The following BRCC3 variants were observed in gnomAD, a reference collection of about 807,000 sequenced individuals.
The protein encoded by BRCC3 is lys-63-specific deubiquitinase BRCC36.
A neutral mutation model predicts 28.0 loss-of-function variants in BRCC3; 15 were observed. The ratio of observed to expected loss-of-function variants is 0.54; its 90% confidence interval spans 0.36 to 0.82. The LOEUF (loss-of-function observed/expected upper bound fraction) is 0.82, where lower values mean the gene tolerates loss of function less well. Ranked by LOEUF, BRCC3 falls within the 40% of genes least tolerant of loss-of-function variation. The pLI is 0.01. For synonymous variants in BRCC3, 66 were observed against 80.3 expected, an observed-to-expected ratio of 0.82 and a Z score of 0.95; for missense variants, 109 against 225.9, an observed-to-expected ratio of 0.48 and a Z score of 3.32.
chrX:155,084,353 A>G lies in BRCC3; in HGVS notation c.404-4910A>G, dbSNP rs781839477. ...TTTTCTAGCACTACGGTGAGTTCTA[A>G]TATCTTTGTTTAAAAAGTTTTTTTT... On this transcript the variant is annotated intron_variant, in intron 5 of 10. Transcript: ENST00000330045. Among the ~76,000 whole-genome samples the G allele has an allele frequency of 1.6e-4, 18 of 111,089 alleles. 1 individual carries two copies. In the South Asian group the frequency reaches 6.9e-3, roughly 42 times the overall value.
At chrX:155,073,969 C>T (rs1451750496) in intron 3 of BRCC3, among the ~76,000 whole-genome samples, 9 of 111,415 alleles carry the variant, frequency 8.1e-5, no homozygotes, top group East Asian at 2.8e-4. Flanking sequence ...TGTCACAGAC[C>T]GATGCTTTTG....
rs145428037 is a variant in BRCC3, at chrX:155,085,347, C to G, written c.404-3916C>G. Among the ~76,000 whole-genome samples the G allele has an allele frequency of 1.8e-3, 203 of 112,785 alleles. 1 individual carries two copies. Among genetic ancestry groups the G allele is most frequent in the African/African-American group, 5.7e-3 (178 of 31,086 alleles). On this transcript the variant is annotated intron_variant, in intron 5 of 10. Coordinates refer to ENST00000330045, the MANE Select transcript of BRCC3 (RefSeq NM_001018055.3). The stretch of plus-strand genomic sequence containing the variant: ...CAAAATCACAGATTCTTCAAGAAAA[C>G]TGTTTCTTAAATACCTGTGTAATTG...
At chrX:155,081,274 G>A (rs2074083274) in intron 5 of BRCC3, among the ~76,000 whole-genome samples, 1 of 107,233 alleles carries the variant, frequency 9.3e-6, no homozygotes, top group Admixed American at 1.0e-4. Flanking sequence ...GGAGGTTGCA[G>A]TGAGCTGAGA....
intron 2 of BRCC3, 62 bp downstream of exon 2, chrX:155,072,405 T>C: frequency 1.1e-6 from 1 of 914,521 alleles, no homozygotes; most frequent in Non-Finnish European, 1.6e-6. Flanking sequence ...CCTAAAATTA[T>C]GGCGACTTTG....
intron 7 of BRCC3, among the ~76,000 whole-genome samples, chrX:155,108,122 G>A (rs2074296631): frequency 9.0e-6 from 1 of 111,566 alleles, no homozygotes; most frequent in African/African-American, 3.3e-5. Flanking sequence ...CAATTGTTAT[G>A]CCCTTGTTTT....
intron 3 of BRCC3, among the ~76,000 whole-genome samples, chrX:155,075,278 AAGC>A (rs1557293346): frequency 4.0e-5 from 2 of 50,516 alleles, no homozygotes; most frequent in Admixed American, 2.0e-4. Flanking sequence ...TGATAATGCT[AAGC>A]CCACTCTTTC....
chrX:155,099,448 C>T (rs1282383409), intron 7 of BRCC3: 20 of 1,163,802 alleles, frequency 1.7e-5, no homozygotes, highest in Non-Finnish European at 2.0e-5. Context: ...AAGTGACCTT[C>T]CCAGAAGTCC....
intron 2 of BRCC3, among the ~76,000 whole-genome samples, 185 bp downstream of exon 2, chrX:155,072,528 T>C (rs1166932531): frequency 9.0e-6 from 1 of 111,295 alleles, no homozygotes; most frequent in Non-Finnish European, 1.9e-5. Context: ...TCAGTTGAGA[T>C]ATGGGATAAA....
At chrX:155,112,784 G>A (rs1480852909) in intron 7 of BRCC3, among the ~76,000 whole-genome samples, 1 of 111,915 alleles carries the variant, frequency 8.9e-6, no homozygotes, top group Non-Finnish European at 1.9e-5. Context: ...GAACTAATAA[G>A]CAAAAAGAAA....
At position 155,122,710 on chromosome X, in the gene BRCC3, G is replaced by A. The variant is rs1200063371; in HGVS notation, c.*1506G>A. 4 of 110,870 alleles carry A rather than the reference G, an allele frequency of 3.6e-5. No homozygotes were observed. The highest frequency in any genetic ancestry group is 1.3e-4 in the African/African-American group (4 of 30,383). The allele number at this position is 110,870 out of a possible 1,213,427, so 9.1% of individuals were successfully genotyped here. ...TACAAGAACTTGGTTGTACCTCAGG[G>A]GTATTATGGTGAACAAAAAAAAAAC... On this transcript the variant is annotated 3_prime_UTR_variant, in exon 11 of 11. Coordinates refer to ENST00000330045, the MANE Select transcript of BRCC3 (RefSeq NM_001018055.3).
At chrX:155,116,847 G>A (rs1213240332) in intron 9 of BRCC3, 93 bp downstream of exon 9, 2 of 636,322 alleles carry the variant, frequency 3.1e-6, no homozygotes, top group Non-Finnish European at 5.0e-6. Flanking sequence ...AGTGAGTGAA[G>A]TGATGGGTAC....
intron 4 of BRCC3, 83 bp downstream of exon 4, chrX:155,077,372 A>G (rs2074052757): frequency 3.3e-6 from 3 of 913,557 alleles, no homozygotes; most frequent in Non-Finnish European, 4.3e-6. Context: ...ATCCTGCTTT[A>G]GGTGGTTTCA....
intron 5 of BRCC3, among the ~76,000 whole-genome samples, chrX:155,088,154 A>T (rs2074147072): frequency 9.0e-6 from 1 of 111,618 alleles, no homozygotes; most frequent in Non-Finnish European, 1.9e-5. Context: ...TTTACTTAGG[A>T]GGACATTGGG....
intron 9 of BRCC3, among the ~76,000 whole-genome samples, chrX:155,117,849 A>G (rs2074366361): frequency 8.9e-6 from 1 of 112,190 alleles, no homozygotes; most frequent in South Asian, 3.7e-4. Flanking sequence ...TTTGAGTGCT[A>G]TTCCAGGCAC....
intron 2 of BRCC3, 100 bp from the exon 3 acceptor site, chrX:155,073,277 G>A: frequency 2.1e-6 from 2 of 974,068 alleles, no homozygotes; most frequent in Non-Finnish European, 2.8e-6. Flanking sequence ...TCTCTGCTAA[G>A]ATTTCATTGC....
chrX:155,090,686 C>A, intron 6 of BRCC3, 98 bp from the exon 7 acceptor site: 1 of 618,713 alleles, frequency 1.6e-6, no homozygotes, highest in Non-Finnish European at 2.6e-6. Context: ...TCTTTGGTAT[C>A]TCTTTTAACA....
intron 3 of BRCC3, among the ~76,000 whole-genome samples, chrX:155,075,706 G>A (rs1222968863): frequency 8.9e-6 from 1 of 112,263 alleles, no homozygotes; most frequent in Non-Finnish European, 1.9e-5. Flanking sequence ...TCTGCCATCT[G>A]CTTAGCCCAG....
At chrX:155,112,616 T>G (rs1321716136) in intron 7 of BRCC3, among the ~76,000 whole-genome samples, 1 of 112,286 alleles carries the variant, frequency 8.9e-6, no homozygotes, top group Non-Finnish European at 1.9e-5. Flanking sequence ...GGACATACAC[T>G]TCAATTTAAA....
At position 155,116,771 on chromosome X, in the gene BRCC3, G is replaced by C; in HGVS notation, c.724+17G>C. ...ATGGCTCAGGTAAGAATTGTTTCTT[G>C]AGTACTCAGCATTTTTTCTGACTAT... is the stretch of plus-strand genomic sequence containing the variant. On this transcript the variant is annotated intron_variant, in intron 9 of 10. Coordinates refer to ENST00000330045, the MANE Select transcript of BRCC3 (RefSeq NM_001018055.3). 2 of 1,123,352 alleles carry C rather than the reference G, an allele frequency of 1.8e-6. No individual in the cohort carries two copies. Among genetic ancestry groups the C allele is most frequent in the South Asian group, 2.0e-5 (1 of 50,867 alleles). 92.6% of individuals were successfully genotyped at this position (1,123,352 alleles called of 1,213,427 possible).
Sources: allele counts gnomAD v4.1 joint callset (sites outside exome capture counted in the v4.1 genomes callset), GRCh38; gene constraint gnomAD v4.1.1; transcripts MANE v1.5; gene names NCBI Gene and HGNC (gene_info 2026-07-23, HGNC 2026-07-21).